Variants in RASSF3 observed in about 807,000 individuals in gnomAD.
The protein encoded by RASSF3 is Ras association domain family member 3.
RASSF3 carries 19 observed loss-of-function variants against 19.9 expected under a neutral mutation model. The ratio of observed to expected loss-of-function variants is 0.96; its 90% CI spans 0.67 to 1.40. The LOEUF (loss-of-function observed/expected upper bound fraction) is 1.40, where lower values mean the gene tolerates loss of function less well. Ranked by LOEUF, RASSF3 falls within the 40% of genes most tolerant of loss-of-function variation. The pLI, the probability that RASSF3 is intolerant of heterozygous loss-of-function variation, is 0.00. For synonymous variants in RASSF3, 110 were observed against 104.2 expected (o/e 1.06, Z -0.34); for missense variants, 306 against 289.8 (o/e 1.06, Z -0.41).
At chr12:64,650,471 A>G (rs955690877) in intron 1 of RASSF3, among the ~76,000 whole-genome samples, 5 of 132,128 alleles carry the variant, frequency 3.8e-5, no homozygotes, top group East Asian at 4.4e-4. Flanking sequence ...CTGGAGTGCA[A>G]TGGTGCAAGT....
intron 1 of RASSF3, among the ~76,000 whole-genome samples, chr12:64,611,132 G>T (rs1368985748): frequency 6.6e-6 from 1 of 152,074 alleles, no homozygotes; most frequent in Non-Finnish European, 1.5e-5. Flanking sequence ...TGTCCTTCCT[G>T]TTAGTCAGCT....
intron 2 of RASSF3, 65 bp downstream of exon 2, chr12:64,684,959 A>G (rs1485337479): frequency 1.1e-6 from 1 of 932,008 alleles, no homozygotes; most frequent in Non-Finnish European, 1.8e-6. Flanking sequence ...TGTTGGTACT[A>G]CAATCTATAG....
upstream of RASSF3, among the ~76,000 whole-genome samples, chr12:64,609,874 G>A (rs923904804): frequency 6.6e-6 from 1 of 152,220 alleles, no homozygotes; most frequent in Non-Finnish European, 1.5e-5. Context: ...AAGGGGAAAA[G>A]GGTAAGACCG....
chr12:64,586,573 A>G (rs747598339), intron 2 of RASSF3, among the ~76,000 whole-genome samples: 98 of 151,282 alleles, frequency 6.5e-4, no homozygotes, highest in Non-Finnish European at 1.3e-3. Flanking sequence ...ACTGATTTAT[A>G]TTACAAGTAT....
At chr12:64,653,919 C>T (rs1387413706) in intron 1 of RASSF3, 1 of 152,318 alleles carries the variant, frequency 6.6e-6, no homozygotes, top group Non-Finnish European at 1.5e-5. Flanking sequence ...GGCCATGGGA[C>T]CCAGCTTGGA....
At chr12:64,612,333 C>G (rs893526229) in intron 1 of RASSF3, among the ~76,000 whole-genome samples, 4 of 152,162 alleles carry the variant, frequency 2.6e-5, no homozygotes, top group African/African-American at 7.2e-5. Flanking sequence ...CTGCTAATCT[C>G]CTGAAAACTG....
chr12:64,585,839 C>T (rs1309941739), intron 2 of RASSF3, among the ~76,000 whole-genome samples: 1 of 152,088 alleles, frequency 6.6e-6, no homozygotes, highest in Non-Finnish European at 1.5e-5. Flanking sequence ...CTCCTGGGCT[C>T]AAGCGATCCT....
intron 1 of RASSF3, among the ~76,000 whole-genome samples, chr12:64,624,363 G>A (rs891351884): frequency 6.6e-6 from 1 of 151,942 alleles, no homozygotes; most frequent in African/African-American, 2.4e-5. Flanking sequence ...GCTATGTAGG[G>A]CACCCTGTGT....
At chr12:64,588,196 C>T (rs1316292107) in intron 2 of RASSF3, among the ~76,000 whole-genome samples, 2 of 152,112 alleles carry the variant, frequency 1.3e-5, no homozygotes, top group South Asian at 2.1e-4. Context: ...CCCACCTCAG[C>T]CTCCTGAGTA....
intron 1 of RASSF3, among the ~76,000 whole-genome samples, chr12:64,645,709 A>G (rs916650143): frequency 2.0e-5 from 3 of 152,190 alleles, no homozygotes; most frequent in Non-Finnish European, 2.9e-5. Flanking sequence ...TGTTGTATCA[A>G]TGTTTATTTG....
chr12:64,622,614 G>T (rs1870822266), intron 1 of RASSF3: 2 of 403,612 alleles, frequency 5.0e-6, no homozygotes, highest in African/African-American at 2.2e-5. Context: ...TTTCAGGCTT[G>T]TTGAAGCCTA....
chr12:64,573,872 CA>C (rs1178237075), intron 2 of RASSF3, among the ~76,000 whole-genome samples: 2 of 152,134 alleles, frequency 1.3e-5, no homozygotes, highest in Non-Finnish European at 1.5e-5. Flanking sequence ...AGGGTGTCAA[CA>C]GCAGGAGTCA....
rs762822586 is a variant in RASSF3, at chr12:64,689,791, C to CTTTTTTT, written c.457+1345_457+1351dup. On this transcript the variant is annotated intron_variant, in intron 3 of 4. Transcript: ENST00000542104. ...GTTTGTAGCTGCTAATTCGCTAATTCTTTTTTTTTTTTTGAGACGGAGTCT... is the reference window on the plus strand; with the variant it reads ...GTTTGTAGCTGCTAATTCGCTAATTCTTTTTTTTTTTTTTTTTTTTGAGACGGAGTCT... 1.4e-4 allele frequency among the ~76,000 whole-genome samples: 14 copies of CTTTTTTT among 96,556 alleles called. 3 individuals are homozygous for CTTTTTTT. The highest frequency in any genetic ancestry group is 4.7e-4 in the African/African-American group (12 of 25,622). The allele number at this position is 96,556 out of a possible 152,430, so 63.3% of individuals were successfully genotyped here. A position where few individuals can be genotyped will look rare whatever the true frequency, so the allele number is the denominator to read the frequency against.
chr12:64,623,222 A>G (rs1870855641), intron 1 of RASSF3, among the ~76,000 whole-genome samples: 1 of 152,252 alleles, frequency 6.6e-6, no homozygotes, highest in African/African-American at 2.4e-5. Context: ...AATAGAAAAC[A>G]ACATAGTTAA....
chr12:64,694,802 C>T lies in RASSF3; in HGVS notation c.607C>T (p.Arg203Cys), dbSNP rs761623426. The T allele has an allele frequency of 2.2e-5, 36 of 1,614,022 alleles. No homozygotes were observed. The highest frequency in any genetic ancestry group is 1.6e-4 in the Middle Eastern group (1 of 6,084). Residue 203 changes from arginine to cysteine, a missense_variant, in exon 5 of 5, where the codon CGC becomes TGC. Arg to Cys is a radical substitution (Grantham distance 180, BLOSUM62 -3). Coordinates refer to ENST00000542104, the MANE Select transcript of RASSF3 (RefSeq NM_178169.4). ...CCTTCCAGAACTACAGAATTTCTTG[C>T]GCATCTTGGACAAGGAAGAAGATGA... ...FSLPELQNFL[R>C]ILDKEEDEQL...
At chr12:64,536,815 A>C (rs1868837561) in intron 1 of RASSF3, among the ~76,000 whole-genome samples, 1 of 152,224 alleles carries the variant, frequency 6.6e-6, no homozygotes, top group Non-Finnish European at 1.5e-5. Context: ...CTGAATAATA[A>C]AATACATAGC....
chr12:64,611,047 A>G (rs993282217), intron 1 of RASSF3, among the ~76,000 whole-genome samples: 1 of 152,186 alleles, frequency 6.6e-6, no homozygotes, highest in African/African-American at 2.4e-5. Flanking sequence ...CCCCGGAGCC[A>G]GCAGGCGTCC....
At chr12:64,689,659 C>A (rs959337222) in intron 3 of RASSF3, among the ~76,000 whole-genome samples, 1 of 152,176 alleles carries the variant, frequency 6.6e-6, no homozygotes, top group Admixed American at 6.5e-5. Context: ...ACCCCCATGG[C>A]TGGCAAATCC....
intron 1 of RASSF3, among the ~76,000 whole-genome samples, chr12:64,617,196 T>C (rs1592422003): frequency 6.6e-6 from 1 of 152,332 alleles, no homozygotes; most frequent in South Asian, 2.1e-4. Flanking sequence ...TTACAGGTAG[T>C]AGTGATTTAA....
Sources: allele counts gnomAD v4.1 joint callset (sites outside exome capture counted in the v4.1 genomes callset), GRCh38; gene constraint gnomAD v4.1.1; transcripts MANE v1.5; gene names NCBI Gene and HGNC (gene_info 2026-07-23, HGNC 2026-07-21).